Variants in PIEZO2 observed in about 807,000 individuals in gnomAD.
The protein encoded by PIEZO2 is piezo type mechanosensitive ion channel component 2.
PIEZO2 carries 172 observed loss-of-function variants against 337.3 expected under a neutral mutation model. The observed-to-expected ratio is 0.51, with a 90% confidence interval of 0.45 to 0.58. The LOEUF (loss-of-function observed/expected upper bound fraction) is 0.58, where lower values mean the gene tolerates loss of function less well. PIEZO2 is among the 20% of genes least tolerant of loss of function. PIEZO2 has a pLI of 0.00. For synonymous variants in PIEZO2, 1,251 were observed against 1,228.5 expected (o/e 1.02, Z -0.38); for missense variants, 3,028 against 3,391.3 (o/e 0.89, Z 2.66).
intron 2 of PIEZO2, among the ~76,000 whole-genome samples, chr18:11,062,567 AAAAC>A (rs527476423): frequency 4.8e-3 from 727 of 152,348 alleles, no homozygotes; most frequent in South Asian, 6.4e-3. Context: ...TTACAAGAAA[AAAAC>A]AAACAACCCC....
chr18:10,866,027 G>A (rs552821585), intron 5 of PIEZO2, among the ~76,000 whole-genome samples: 2 of 152,294 alleles, frequency 1.3e-5, no homozygotes, highest in Non-Finnish European at 2.9e-5. Context: ...GATAGTTAAA[G>A]GTGAAAGGCG....
intron 40 of PIEZO2, 40 bp from the exon 41 acceptor site, chr18:10,705,786 C>G (rs2035560811): frequency 1.4e-6 from 2 of 1,473,718 alleles, no homozygotes; most frequent in African/African-American, 2.8e-5. Context: ...CATGTCTTAG[C>G]ATCCACACTC....
chr18:10,684,555 C>T (rs1774967282), intron 49 of PIEZO2, among the ~76,000 whole-genome samples: 1 of 151,134 alleles, frequency 6.6e-6, no homozygotes, highest in African/African-American at 2.4e-5. Flanking sequence ...ACTTCCACCA[C>T]CTGGGCTCGA....
rs1473408953 is a variant in PIEZO2 at position 10,828,951 on chromosome 18, T to G, written c.918-21677A>C. Among the ~76,000 whole-genome samples the G allele has an allele frequency of 6.6e-6, 1 of 152,190 alleles. No individual in the cohort carries two copies. The highest frequency in any genetic ancestry group is 2.4e-5 in the African/African-American group (1 of 41,442). On this transcript the variant is annotated intron_variant, in intron 7 of 55. Transcript: ENST00000674853. The surrounding 1 kb of genome is among the most constrained non-coding windows in gnomAD (Gnocchi z 4.1). ...GGAAGCCTTTCCTCAGCATGTCATGTCTTCATTGGGCTCTCTCCTCTCAAC... is the reference window on the plus strand; with the variant it reads ...GGAAGCCTTTCCTCAGCATGTCATGGCTTCATTGGGCTCTCTCCTCTCAAC...
intron 3 of PIEZO2, among the ~76,000 whole-genome samples, chr18:10,932,265 A>G (rs2032136498): frequency 6.6e-6 from 1 of 152,122 alleles, no homozygotes; most frequent in Non-Finnish European, 1.5e-5. Context: ...GTATGGTGGC[A>G]CATGCCTGTG....
Position 10,993,270 on chromosome 18 carries a change from G to C in PIEZO2, c.161-13610C>G, listed in dbSNP as rs1393969129. On this transcript the variant is annotated intron_variant, in intron 2 of 55. Transcript: ENST00000674853. This position sits in a 1 kb window ranked among gnomAD's most constrained non-coding sequence, Gnocchi z 5.0. The stretch of plus-strand genomic sequence containing the variant: ...GAACTTCCAATACTATGTTGAATAG[G>C]AGTGGTGAGAGAGTGCCGGTTTTCA... Among the ~76,000 whole-genome samples, 1 of 152,138 alleles carries C rather than the reference G, an allele frequency of 6.6e-6. No homozygotes were observed. The highest frequency in any genetic ancestry group is 1.5e-5 in the Non-Finnish European group (1 of 68,034).
chr18:10,682,614 T>G lies in PIEZO2; in HGVS notation c.7498-322A>C, dbSNP rs1391215573. ...TGAACTCCTGGACCAAGGGATCAAG[T>G]ATCCGGCCGAATGAACCTTCTGGTT... On this transcript the variant is annotated intron_variant, in intron 49 of 55. Transcript: ENST00000674853. This position sits in a 1 kb window ranked among gnomAD's most constrained non-coding sequence, Gnocchi z 5.6. Among the ~76,000 whole-genome samples the G allele has an allele frequency of 1.4e-5, 2 of 145,560 alleles. No individual in the cohort carries two copies. The highest frequency in any genetic ancestry group is 5.7e-5 in the African/African-American group (2 of 35,258).
In PIEZO2 at chr18:10,801,245, C is replaced by A. The variant is rs1205535365; in HGVS notation, c.1239+145G>T. 2.3e-5 allele frequency: 14 copies of A among 600,380 alleles called. No individual in the cohort carries two copies. The East Asian group carries it at 4.0e-4, about 17-fold the overall frequency. The allele number at this position is 600,380 out of a possible 1,614,324, so 37.2% of individuals were successfully genotyped here. A position where few individuals can be genotyped will look rare whatever the true frequency, so the allele number is the denominator to read the frequency against. On this transcript the variant is annotated intron_variant, in intron 10 of 55. Transcript: ENST00000674853. ...ATACTCAATTTCATTTAACAGCAATCTACCAGATATAATTTATGCCCAAAA... is the reference window on the plus strand; with the variant it reads ...ATACTCAATTTCATTTAACAGCAATATACCAGATATAATTTATGCCCAAAA...
intron 1 of PIEZO2, among the ~76,000 whole-genome samples, chr18:11,068,078 G>A (rs1050377217): frequency 2.0e-5 from 3 of 152,048 alleles, no homozygotes; most frequent in Admixed American, 6.5e-5. Flanking sequence ...TCCGCCACAC[G>A]CCCAGCTAAT....
At chr18:10,734,569 G>C (rs2036922596) in intron 35 of PIEZO2, among the ~76,000 whole-genome samples, 1 of 152,230 alleles carries the variant, frequency 6.6e-6, no homozygotes, top group Admixed American at 6.5e-5. Flanking sequence ...TAAAATGTAA[G>C]AATAGGAATT....
At chr18:10,721,265 G>A (rs563454251) in intron 36 of PIEZO2, among the ~76,000 whole-genome samples, 4 of 152,310 alleles carry the variant, frequency 2.6e-5, no homozygotes, top group South Asian at 2.1e-4. Context: ...TGCAAGGATC[G>A]AGTTAGTTAC....
At chr18:10,811,897 G>C (rs1047818471) in intron 7 of PIEZO2, among the ~76,000 whole-genome samples, 2 of 152,244 alleles carry the variant, frequency 1.3e-5, no homozygotes, top group South Asian at 2.1e-4. Context: ...GCAGTGGTGC[G>C]ATCTCCGCTC....
Position 11,129,356 on chromosome 18 carries a change from G to A in PIEZO2, c.64+19169C>T, listed in dbSNP as rs2040274998. Among the ~76,000 whole-genome samples the A allele has an allele frequency of 6.6e-6, 1 of 152,106 alleles. No individual in the cohort carries two copies. Among genetic ancestry groups the A allele is most frequent in the Admixed American group, 6.5e-5 (1 of 15,268 alleles). ...GCAAGGTAGGCGTAGCTACCATAAT[G>A]GACAGCAGAGGCAAAGCGGCAATCA... is the stretch of plus-strand genomic sequence containing the variant. On this transcript the variant is annotated intron_variant, in intron 1 of 55. Transcript: ENST00000674853. This position sits in a 1 kb window ranked among gnomAD's most constrained non-coding sequence, Gnocchi z 4.6.
rs2037183097 is a variant in PIEZO2 at position 10,740,727 on chromosome 18, T to C, written c.4708+304A>G. On this transcript the variant is annotated intron_variant, in intron 33 of 55. Coordinates refer to ENST00000674853, the MANE Select transcript of PIEZO2 (RefSeq NM_001378183.1). Reference sequence around the variant, plus strand: ...GGCTCTCGACCTCAGAATTGGGCAATATAATATTCAATTCTTCTTCCCTTT... The same window carrying C: ...GGCTCTCGACCTCAGAATTGGGCAACATAATATTCAATTCTTCTTCCCTTT... The C allele has an allele frequency of 5.7e-6, 3 of 529,156 alleles. No homozygotes were observed. In the South Asian group the frequency reaches 6.3e-5, roughly 11 times the overall value. 32.8% of individuals were successfully genotyped at this position (529,156 alleles called of 1,614,324 possible).
chr18:10,948,394 C>A (rs533077237), intron 3 of PIEZO2, among the ~76,000 whole-genome samples: 1 of 152,030 alleles, frequency 6.6e-6, no homozygotes, highest in East Asian at 1.9e-4. Context: ...CAAAAAAATT[C>A]GTGTGATGCA....
rs1249734116 is a variant in PIEZO2, at chr18:11,077,771, CA to C, written c.65-11550del. Among the ~76,000 whole-genome samples, 1 of 152,088 alleles carries C rather than the reference CA, an allele frequency of 6.6e-6. No individual in the cohort carries two copies. Among genetic ancestry groups the C allele is most frequent in the Non-Finnish European group, 1.5e-5 (1 of 68,008 alleles). On this transcript the variant is annotated intron_variant, in intron 1 of 55. Coordinates refer to ENST00000674853, the MANE Select transcript of PIEZO2 (RefSeq NM_001378183.1). The surrounding 1 kb of genome is among the most constrained non-coding windows in gnomAD (Gnocchi z 4.8). ...CACTGACCTTGGTAGTTCTATATGT[CA>C]AAAACAGGTAGATACTAACACGTTC...
chr18:10,951,846 G>A (rs1258942507), intron 3 of PIEZO2, among the ~76,000 whole-genome samples: 1 of 152,096 alleles, frequency 6.6e-6, no homozygotes, highest in Non-Finnish European at 1.5e-5. Flanking sequence ...AGAACACTTT[G>A]GGGACAAGAG....
intron 16 of PIEZO2, among the ~76,000 whole-genome samples, chr18:10,786,618 G>A (rs1041811142): frequency 6.6e-6 from 1 of 152,182 alleles, no homozygotes; most frequent in Non-Finnish European, 1.5e-5. Flanking sequence ...TGAGCACTTG[G>A]AGAAATTTAT....
Position 10,789,935 on chromosome 18 carries a change from A to G in PIEZO2, c.1883-570T>C, listed in dbSNP as rs557055803. ...CTTATTTTGTGTTGCTTTAAAATAC[A>G]TAAGAGTCATCTCTGTGTTACACAG... is the stretch of plus-strand genomic sequence containing the variant. On this transcript the variant is annotated intron_variant, in intron 14 of 55. Coordinates refer to ENST00000674853, the MANE Select transcript of PIEZO2 (RefSeq NM_001378183.1). Among the ~76,000 whole-genome samples, 72 of 152,354 alleles carry G rather than the reference A, an allele frequency of 4.7e-4. 1 individual carries two copies. The highest frequency in any genetic ancestry group is 1.6e-3 in the African/African-American group (65 of 41,594).
Sources: gnomAD v4.1 joint callset for allele counts (sites outside exome capture counted in the v4.1 genomes callset) on GRCh38, gnomAD v4.1.1 for gene constraint, Gnocchi (gnomAD v3.1) non-coding constraint, MANE v1.5 for transcripts, NCBI Gene and HGNC (gene_info 2026-07-23, HGNC 2026-07-21) for gene names.